The following DTNB variants were observed in gnomAD, a reference collection of about 807,000 sequenced individuals.
DTNB encodes the protein DTN-B.
Under a neutral mutation model 90.7 loss-of-function variants are expected in DTNB, and 63 were observed. The ratio of observed to expected loss-of-function variants is 0.69; its 90% CI spans 0.57 to 0.86. The LOEUF (loss-of-function observed/expected upper bound fraction) is 0.86, where lower values mean the gene tolerates loss of function less well. Among genes scored for constraint, DTNB ranks in the 40% least tolerant of loss-of-function variants. DTNB has a pLI of 0.00. For missense variants in DTNB, 744 were observed against 807.1 expected (o/e 0.92, Z 0.95); for synonymous variants, 277 against 286.7 (o/e 0.97, Z 0.34).
At chr2:25,533,752 T>C (rs953800919) in intron 8 of DTNB, among the ~76,000 whole-genome samples, 11 of 152,226 alleles carry the variant, frequency 7.2e-5, no homozygotes, top group South Asian at 4.1e-4. Context: ...CCTTTCCCAA[T>C]CTATCTTTCT....
intron 9 of DTNB, among the ~76,000 whole-genome samples, chr2:25,513,330 G>A (rs1205178866): frequency 6.6e-6 from 1 of 152,174 alleles, no homozygotes; most frequent in Non-Finnish European, 1.5e-5. Flanking sequence ...CCAATACTAT[G>A]AATGATTACT....
At chr2:25,612,694 A>G (rs1048831012) in intron 4 of DTNB, among the ~76,000 whole-genome samples, 7 of 152,158 alleles carry the variant, frequency 4.6e-5, no homozygotes, top group African/African-American at 1.7e-4. Context: ...CTGACTAAGA[A>G]AAAAAAGAAG....
rs771099430 is a variant in DTNB at position 25,427,623 on chromosome 2, T to C, written c.1466A>G (p.Lys489Arg). The part of the protein sequence containing the change: ...LAELRLLRQR[K>R]DELEQRMSAL... ...CGACATCCTCTGCTCCAGTTCATCCTTCCTTTGCCTATCCAAGACGAGAAG... is the reference window on the plus strand; with the variant it reads ...CGACATCCTCTGCTCCAGTTCATCCCTCCTTTGCCTATCCAAGACGAGAAG... The change falls in exon 15 of 21, where the codon AAG (lysine) becomes AGG (arginine). Residue 489 changes from lysine to arginine, a missense_variant. Coordinates refer to ENST00000406818, the MANE Select transcript of DTNB (RefSeq NM_021907.5). 1.2e-6 allele frequency: 2 copies of C among 1,613,096 alleles called. No homozygotes were observed. The highest frequency in any genetic ancestry group is 4.5e-5 in the East Asian group (2 of 44,858).
At chr2:25,626,594 TC>T (rs2074212912) in intron 4 of DTNB, among the ~76,000 whole-genome samples, 1 of 152,142 alleles carries the variant, frequency 6.6e-6, no homozygotes, top group South Asian at 2.1e-4. Flanking sequence ...AGACCCCATC[TC>T]AAAAAAATAA....
chr2:25,383,861 CTCTTCT>C lies in DTNB; in HGVS notation c.1848_1853del (p.Glu617_Glu618del). The C allele has an allele frequency of 6.2e-7, 1 of 1,614,066 alleles. No individual in the cohort carries two copies. Among genetic ancestry groups the C allele is most frequent in the Non-Finnish European group, 8.5e-7 (1 of 1,179,902 alleles). On this transcript the variant is annotated inframe_deletion, in exon 19 of 21. Coordinates refer to ENST00000406818, the MANE Select transcript of DTNB (RefSeq NM_021907.5). ...CTCTGTCTTTCCCATTCTGCATCTT[CTCTTCT>C]TCTTCCTCTGCACCTTCCTCTGCTG...
rs981185581 is a variant in DTNB, at chr2:25,482,827, T to C, written c.1048A>G (p.Met350Val). 5.0e-6 allele frequency: 8 copies of C among 1,612,884 alleles called. No individual in the cohort carries two copies. In the East Asian group the frequency reaches 1.1e-4, roughly 22 times the overall value. The change falls in exon 10 of 21, where the codon ATG becomes GTG. Residue 350 changes from methionine (M) to valine (V), a missense_variant. Physicochemically the swap from Met to Val is conservative, Grantham distance 21 (BLOSUM62 1). Coordinates refer to ENST00000406818, the MANE Select transcript of DTNB (RefSeq NM_021907.5). ...GTGGGAGTGGGCACTCCAGAGGACA[T>C]GTGGCTAACCATGGTGTCATTCATA... is the stretch of plus-strand genomic sequence containing the variant. Reference protein sequence around the residue: ...TNMNDTMVSHMSSGVPTPTKR... With the variant: ...TNMNDTMVSHVSSGVPTPTKR...
intron 9 of DTNB, among the ~76,000 whole-genome samples, chr2:25,518,465 T>G (rs542505048): frequency 6.6e-6 from 1 of 152,180 alleles, no homozygotes; most frequent in Admixed American, 6.5e-5. Context: ...CTCATCACAT[T>G]TACTGTTCAC....
At chr2:25,605,653 AT>A (rs1212089750) in intron 5 of DTNB, among the ~76,000 whole-genome samples, 2 of 152,178 alleles carry the variant, frequency 1.3e-5, no homozygotes, top group Non-Finnish European at 2.9e-5. Flanking sequence ...AATACAGTTA[AT>A]TTTCTGCTAA....
intron 16 of DTNB, among the ~76,000 whole-genome samples, chr2:25,401,032 CTTGT>C (rs1456070911): frequency 1.3e-5 from 2 of 152,182 alleles, no homozygotes; most frequent in African/African-American, 4.8e-5. Flanking sequence ...AGCAAACTAG[CTTGT>C]TTTAGTCCAA....
chr2:25,479,676 A>G (rs1301253186), intron 10 of DTNB, among the ~76,000 whole-genome samples: 1 of 152,208 alleles, frequency 6.6e-6, no homozygotes, highest in Non-Finnish European at 1.5e-5. Context: ...AGTAAAGCTT[A>G]CATTCAGATC....
At chr2:25,579,195 A>T (rs2061186861) in intron 7 of DTNB, among the ~76,000 whole-genome samples, 1 of 152,166 alleles carries the variant, frequency 6.6e-6, no homozygotes, top group African/African-American at 2.4e-5. Context: ...CTACTAAAAC[A>T]CTTAAGGCTA....
At chr2:25,421,910 C>A (rs1208510966) in intron 15 of DTNB, among the ~76,000 whole-genome samples, 1 of 152,226 alleles carries the variant, frequency 6.6e-6, no homozygotes, top group Non-Finnish European at 1.5e-5. Context: ...GTGGGCAGGG[C>A]AGCGCTTCCA....
chr2:25,633,817 C>A (rs1333120007), intron 3 of DTNB, among the ~76,000 whole-genome samples: 1 of 148,672 alleles, frequency 6.7e-6, no homozygotes, highest in Non-Finnish European at 1.5e-5. Flanking sequence ...AGCGCCTCTG[C>A]CCCGCCACCC....
chr2:25,382,871 G>C (rs78181937), intron 19 of DTNB, among the ~76,000 whole-genome samples: 2,625 of 152,170 alleles, frequency 0.017, 46 homozygotes, highest in Non-Finnish European at 0.026. Flanking sequence ...ACATCTCTCT[G>C]AGCCTATTTC....
intron 9 of DTNB, among the ~76,000 whole-genome samples, chr2:25,504,638 A>AAAGG (rs1377400897): frequency 6.6e-6 from 1 of 151,918 alleles, no homozygotes; most frequent in Non-Finnish European, 1.5e-5. Context: ...AGGAAGGAAG[A>AAAGG]AAGGAAGGAA....
chr2:25,419,459 A>C, intron 16 of DTNB, 56 bp downstream of exon 16: 1 of 1,553,326 alleles, frequency 6.4e-7, no homozygotes, highest in South Asian at 1.2e-5. Context: ...TATATGAGGA[A>C]AGGAAGAACG....
intron 4 of DTNB, among the ~76,000 whole-genome samples, 198 bp downstream of exon 4, chr2:25,627,973 T>C (rs1194523248): frequency 1.3e-5 from 2 of 152,128 alleles, no homozygotes; most frequent in East Asian, 1.9e-4. Context: ...CCTGACCTTG[T>C]GATTTGCCCT....
chr2:25,636,292 GA>G (rs1232411669), intron 3 of DTNB, among the ~76,000 whole-genome samples: 1 of 152,050 alleles, frequency 6.6e-6, no homozygotes, highest in Non-Finnish European at 1.5e-5. Flanking sequence ...CATACATATG[GA>G]AAAACTTGAA....
At chr2:25,389,976 T>C (rs2040638895) in intron 16 of DTNB, among the ~76,000 whole-genome samples, 2 of 152,154 alleles carry the variant, frequency 1.3e-5, no homozygotes, top group Non-Finnish European at 2.9e-5. Context: ...TTGTGTCAAA[T>C]GTATTTCAAC....
Sources: gnomAD v4.1 joint callset for allele counts (sites outside exome capture counted in the v4.1 genomes callset) on GRCh38, gnomAD v4.1.1 for gene constraint, MANE v1.5 for transcripts, NCBI Gene and HGNC (gene_info 2026-07-23, HGNC 2026-07-21) for gene names.